The following TNIK variants were observed in gnomAD, a reference collection of about 807,000 sequenced individuals.
TNIK encodes TRAF2 and NCK-interacting protein kinase.
In TNIK, 49 loss-of-function variants were observed where a neutral mutation model predicts 191.3. The ratio of observed to expected loss-of-function variants is 0.26; its 90% CI spans 0.20 to 0.32. TNIK has a LOEUF of 0.32. TNIK is among the 10% of genes least tolerant of loss of function. The probability of loss-of-function intolerance (pLI) is 1.00; values close to 1 mark genes in which losing one functional copy is unlikely to be tolerated. For missense variants in TNIK, 1,155 were observed against 1,702.3 expected (o/e 0.68, Z 5.66); for synonymous variants, 594 against 600.9 (o/e 0.99, Z 0.17).
At chr3:171,390,952 T>C (rs1290986667) in intron 1 of TNIK, among the ~76,000 whole-genome samples, 1 of 152,214 alleles carries the variant, frequency 6.6e-6, no homozygotes, top group Admixed American at 6.5e-5. Flanking sequence ...ATCTAGAATC[T>C]TAGGTGACCT....
chr3:171,174,401 T>C (rs1735718350), intron 9 of TNIK, among the ~76,000 whole-genome samples: 1 of 152,128 alleles, frequency 6.6e-6, no homozygotes, highest in Non-Finnish European at 1.5e-5. Context: ...AGTGCAGGAA[T>C]TGACCTCAGA....
At chr3:171,319,144 A>G (rs1351442578) in intron 2 of TNIK, among the ~76,000 whole-genome samples, 2 of 152,116 alleles carry the variant, frequency 1.3e-5, no homozygotes, top group African/African-American at 2.4e-5. Flanking sequence ...CTGCTACTGT[A>G]CTCTAGCCTG....
At chr3:171,396,317 A>T (rs1177970943) in intron 1 of TNIK, among the ~76,000 whole-genome samples, 1 of 152,232 alleles carries the variant, frequency 6.6e-6, no homozygotes, top group African/African-American at 2.4e-5. Context: ...GCAACATGCC[A>T]TTGTTTGGAG....
intron 2 of TNIK, among the ~76,000 whole-genome samples, chr3:171,344,243 A>G (rs1334247674): frequency 6.6e-6 from 1 of 152,184 alleles, no homozygotes; most frequent in Non-Finnish European, 1.5e-5. Context: ...CTCAGTGGGC[A>G]ATTCTGGTTA....
intron 14 of TNIK, 94 bp downstream of exon 14, chr3:171,139,376 G>C: frequency 5.6e-6 from 3 of 532,152 alleles, no homozygotes; most frequent in Non-Finnish European, 9.1e-6. Context: ...ACACGCACGC[G>C]CGCACACACA....
intron 1 of TNIK, among the ~76,000 whole-genome samples, chr3:171,394,148 T>A (rs1200921266): frequency 1.3e-5 from 2 of 152,176 alleles, no homozygotes; most frequent in Non-Finnish European, 2.9e-5. Flanking sequence ...GCAAATCTTG[T>A]CCTGTGACCC....
At chr3:171,072,102 A>G (rs1053347591) in intron 28 of TNIK, among the ~76,000 whole-genome samples, 7 of 152,162 alleles carry the variant, frequency 4.6e-5, no homozygotes, top group African/African-American at 1.7e-4. Context: ...AGCAATGTTT[A>G]CGGTGATGAC....
At chr3:171,289,101 G>A (rs1330873778) in intron 2 of TNIK, among the ~76,000 whole-genome samples, 1 of 152,108 alleles carries the variant, frequency 6.6e-6, no homozygotes, top group Non-Finnish European at 1.5e-5. Context: ...GAGGCATAAG[G>A]GAAGCTTCAC....
At position 171,201,348 on chromosome 3, in the gene TNIK, G is replaced by A. The variant is rs183270098; in HGVS notation, c.307-6713C>T. On this transcript the variant is annotated intron_variant, in intron 4 of 32. Transcript: ENST00000436636. ...CAGGCTGCGAAGGTTGTGGTGAGCCGAGATCAAGCCATCGCACTCCAGCCT... is the reference window on the plus strand; with the variant it reads ...CAGGCTGCGAAGGTTGTGGTGAGCCAAGATCAAGCCATCGCACTCCAGCCT... Among the ~76,000 whole-genome samples, 198 of 152,196 alleles carry A rather than the reference G, an allele frequency of 1.3e-3. 1 individual carries two copies. The highest frequency in any genetic ancestry group is 3.0e-3 in the African/African-American group (123 of 41,516).
chr3:171,140,963 G>A (rs769843613), intron 12 of TNIK, among the ~76,000 whole-genome samples: 10 of 152,196 alleles, frequency 6.6e-5, no homozygotes, highest in Non-Finnish European at 1.2e-4. Flanking sequence ...CATATTCAAA[G>A]CCATACAGAA....
chr3:171,138,437 C>A, intron 14 of TNIK, 58 bp from the exon 15 acceptor site: 1 of 1,428,250 alleles, frequency 7.0e-7, no homozygotes, highest in Non-Finnish European at 9.2e-7. Context: ...TAGAAATCAT[C>A]GGCCAGTACC....
chr3:171,137,187 G>A lies in TNIK; in HGVS notation c.1608+1004C>T, dbSNP rs574625242. On this transcript the variant is annotated intron_variant, in intron 15 of 32. Coordinates refer to ENST00000436636, the MANE Select transcript of TNIK (RefSeq NM_015028.4). ...TAACATTAGGACAACATTATGTCAA[G>A]TATTTTCTGTACATATGTCAGATAG... Among the ~76,000 whole-genome samples the A allele has an allele frequency of 8.8e-4, 106 of 120,644 alleles. 1 individual carries two copies. In the South Asian group the frequency reaches 8.8e-3, roughly 10 times the overall value. 79.1% of individuals were successfully genotyped at this position (120,644 alleles called of 152,430 possible).
rs34724564 is a variant in TNIK at position 171,244,060 on chromosome 3, G to GTT, written c.124-15841_124-15840dup. On this transcript the variant is annotated intron_variant, in intron 2 of 32. Transcript: ENST00000436636. ...TTTGTTTTTTTTAGAGACAGAAATA[G>GTT]TTTTTTTTTTTTTTTTTTAAGACAG... Among the ~76,000 whole-genome samples the GTT allele has an allele frequency of 1.3e-3, 170 of 135,928 alleles. 5 individuals are homozygous for GTT. The highest frequency in any genetic ancestry group is 1.9e-3 in the Admixed American group (25 of 13,294). 89.2% of individuals were successfully genotyped at this position (135,928 alleles called of 152,430 possible).
intron 7 of TNIK, among the ~76,000 whole-genome samples, chr3:171,187,495 T>A (rs1469621729): frequency 1.3e-5 from 2 of 152,160 alleles, no homozygotes; most frequent in Non-Finnish European, 2.9e-5. Flanking sequence ...TCAAAAACGC[T>A]GCAATGTTTG....
chr3:171,148,779 G>T (rs1284466069), intron 12 of TNIK, among the ~76,000 whole-genome samples: 1 of 152,092 alleles, frequency 6.6e-6, no homozygotes, highest in Non-Finnish European at 1.5e-5. Context: ...GTTTTATTTG[G>T]CACAACCTGT....
chr3:171,126,211 C>A, intron 16 of TNIK, 60 bp from the exon 17 acceptor site: 1 of 1,469,068 alleles, frequency 6.8e-7, no homozygotes, highest in South Asian at 1.5e-5. Flanking sequence ...TCAGCCAGTA[C>A]CTCAGTGAGC....
chr3:171,218,944 A>AAT (rs1396733755), intron 3 of TNIK, among the ~76,000 whole-genome samples: 1 of 130,830 alleles, frequency 7.6e-6, no homozygotes, highest in Non-Finnish European at 1.6e-5. Flanking sequence ...ATATATATTT[A>AAT]ATATATAATA....
chr3:171,399,586 T>C (rs1322815816), intron 1 of TNIK, among the ~76,000 whole-genome samples: 1 of 152,180 alleles, frequency 6.6e-6, no homozygotes, highest in Non-Finnish European at 1.5e-5. Flanking sequence ...ATCTCAATGC[T>C]AGAGAATAGT....
intron 2 of TNIK, among the ~76,000 whole-genome samples, chr3:171,327,483 A>G (rs977596750): frequency 2.0e-5 from 3 of 152,142 alleles, no homozygotes; most frequent in African/African-American, 7.2e-5. Flanking sequence ...CCTGGCCGCT[A>G]AAACACCCCA....
Sources: gnomAD v4.1 joint callset for allele counts (sites outside exome capture counted in the v4.1 genomes callset) on GRCh38, gnomAD v4.1.1 for gene constraint, MANE v1.5 for transcripts, NCBI Gene and HGNC (gene_info 2026-07-23, HGNC 2026-07-21) for gene names.